CSTPP1: variants seen among roughly 807,000 people sequenced by gnomAD.
The protein encoded by CSTPP1 is centriolar satellite-associated tubulin polyglutamylase complex regulator 1.
chr11:47,087,595 A>G, the CSTPP1 span, among the ~76,000 whole-genome samples: 131 of 152,244 alleles, frequency 8.6e-4, no homozygotes, highest in Non-Finnish European at 1.6e-3. Context: ...GCTACTCAGG[A>G]GGCTGAGGCA....
the CSTPP1 span, among the ~76,000 whole-genome samples, chr11:46,947,174 A>G: frequency 6.6e-6 from 1 of 152,226 alleles, no homozygotes; most frequent in East Asian, 1.9e-4. Context: ...TTAAAAAGGA[A>G]GGAGATTTTC....
chr11:46,980,077 C>CA, the CSTPP1 span, among the ~76,000 whole-genome samples: 79 of 151,472 alleles, frequency 5.2e-4, no homozygotes, highest in African/African-American at 1.8e-3. Flanking sequence ...AACAAACAAA[C>CA]AAAAAAACAA....
chr11:47,109,231 C>T, the CSTPP1 span: 1 of 152,226 alleles, frequency 6.6e-6, no homozygotes, highest in Non-Finnish European at 1.5e-5. Flanking sequence ...TCCACTGTAG[C>T]CATGATGCTC....
At chr11:46,964,857 A>G in the CSTPP1 span, among the ~76,000 whole-genome samples, 1 of 151,322 alleles carries the variant, frequency 6.6e-6, no homozygotes, top group East Asian at 1.9e-4. Flanking sequence ...AGCTGAGGAC[A>G]TGGGAGATCA....
At chr11:47,150,493 G>C in the CSTPP1 span, among the ~76,000 whole-genome samples, 29 of 152,230 alleles carry the variant, frequency 1.9e-4, no homozygotes, top group Admixed American at 1.8e-3. Context: ...CCAGGACAAA[G>C]ACAACAGTGT....
the CSTPP1 span, among the ~76,000 whole-genome samples, chr11:47,111,353 T>C: frequency 6.6e-6 from 1 of 152,268 alleles, no homozygotes; most frequent in African/African-American, 2.4e-5. Context: ...AATTTGTTTT[T>C]CCCCGCTACG....
chr11:47,160,852 C>T, the CSTPP1 span: 2 of 487,800 alleles, frequency 4.1e-6, no homozygotes, highest in African/African-American at 3.9e-5. Context: ...TCACAACCAC[C>T]ACCTGGTGTT....
chr11:47,157,955 C>T, the CSTPP1 span: 1 of 1,574,128 alleles, frequency 6.4e-7, no homozygotes, highest in East Asian at 2.2e-5. Context: ...TCAGCCTCTC[C>T]TGCCGCACAA....
At chr11:46,957,873 A>G in the CSTPP1 span, among the ~76,000 whole-genome samples, 4 of 152,168 alleles carry the variant, frequency 2.6e-5, no homozygotes, top group South Asian at 2.1e-4. Flanking sequence ...TATCTATTGT[A>G]TTAGCCAGAG....
the CSTPP1 span, among the ~76,000 whole-genome samples, chr11:46,974,308 G>A: frequency 2.0e-5 from 3 of 150,954 alleles, no homozygotes; most frequent in Non-Finnish European, 4.4e-5. Context: ...CGGGCAGATC[G>A]CTTGAGGTCA....
chr11:47,064,275 A>C, the CSTPP1 span, among the ~76,000 whole-genome samples: 1 of 150,588 alleles, frequency 6.6e-6, no homozygotes, highest in African/African-American at 2.4e-5. Context: ...TCATCTTTTC[A>C]CTTTTTTTTT....
the CSTPP1 span, among the ~76,000 whole-genome samples, chr11:47,053,943 A>G: frequency 1.2e-4 from 18 of 151,702 alleles, no homozygotes; most frequent in African/African-American, 4.4e-4. Flanking sequence ...TCCTGCTTCA[A>G]AAAAACAAAC....
At chr11:46,952,804 A>G in the CSTPP1 span, among the ~76,000 whole-genome samples, 2 of 152,330 alleles carry the variant, frequency 1.3e-5, no homozygotes, top group South Asian at 4.1e-4. Context: ...CGTTCACCTT[A>G]GTGAGAACAT....
chr11:46,962,755 C>A, the CSTPP1 span, among the ~76,000 whole-genome samples: 1 of 152,086 alleles, frequency 6.6e-6, no homozygotes, highest in African/African-American at 2.4e-5. Context: ...AAATATAGTG[C>A]CAGCCTGGGC....
the CSTPP1 span, among the ~76,000 whole-genome samples, chr11:47,111,985 T>C: frequency 1.3e-5 from 2 of 152,196 alleles, no homozygotes; most frequent in African/African-American, 4.8e-5. Flanking sequence ...CTTCTTCCTT[T>C]CCCTCTTATT....
the CSTPP1 span, among the ~76,000 whole-genome samples, chr11:46,971,299 T>C: frequency 6.6e-6 from 1 of 152,218 alleles, no homozygotes; most frequent in Non-Finnish European, 1.5e-5. Flanking sequence ...AATAAACCAC[T>C]GGAAATAAGA....
the CSTPP1 span, among the ~76,000 whole-genome samples, chr11:47,051,032 G>A: frequency 6.6e-6 from 1 of 152,218 alleles, no homozygotes; most frequent in Non-Finnish European, 1.5e-5. Context: ...ACTTTCCCAT[G>A]AAGTTGGTCT....
At chr11:46,957,414 C>A in the CSTPP1 span, among the ~76,000 whole-genome samples, 6 of 152,126 alleles carry the variant, frequency 3.9e-5, no homozygotes, top group Admixed American at 3.9e-4. Context: ...TTTAGGGAAT[C>A]TTCTGTTTAT....
At chr11:46,980,512 C>T in the CSTPP1 span, among the ~76,000 whole-genome samples, 1 of 152,092 alleles carries the variant, frequency 6.6e-6, no homozygotes, top group Non-Finnish European at 1.5e-5. Context: ...TACTGCATGG[C>T]TCTTTAAAGG....
Sources: gnomAD v4.1 joint callset for allele counts (sites outside exome capture counted in the v4.1 genomes callset) on GRCh38, gnomAD v4.1.1 for gene constraint, MANE v1.5 for transcripts, NCBI Gene and HGNC (gene_info 2026-07-23, HGNC 2026-07-21) for gene names.